DHX57: variants seen among roughly 807,000 people sequenced by gnomAD.
DHX57 encodes putative ATP-dependent RNA helicase DHX57.
DHX57 carries 105 observed loss-of-function variants against 156.2 expected under a neutral mutation model. The observed-to-expected ratio is 0.67, with a 90% CI of 0.57 to 0.79. DHX57 has a LOEUF of 0.79. Ranked by LOEUF, DHX57 falls within the 30% of genes least tolerant of loss-of-function variation. The pLI is 0.00. For missense variants in DHX57, 1,847 were observed against 1,661.9 expected, an observed-to-expected ratio of 1.11 and a Z score of -1.94; for synonymous variants, 704 against 595.6, an observed-to-expected ratio of 1.18 and a Z score of -2.65.
intron 20 of DHX57, among the ~76,000 whole-genome samples, chr2:38,814,583 A>G (rs1162739161): frequency 3.3e-5 from 5 of 152,244 alleles, no homozygotes; most frequent in African/African-American, 1.2e-4. Context: ...CTATAGTTAT[A>G]GAAAAAGCTG....
intron 11 of DHX57, among the ~76,000 whole-genome samples, chr2:38,844,862 G>C (rs1029149851): frequency 1.3e-5 from 2 of 152,140 alleles, no homozygotes; most frequent in African/African-American, 4.8e-5. Context: ...GGAAACTAAA[G>C]AAGGAAGGGA....
At chr2:38,869,517 T>G (rs1665256732) in intron 1 of DHX57, among the ~76,000 whole-genome samples, 1 of 152,234 alleles carries the variant, frequency 6.6e-6, no homozygotes, top group Non-Finnish European at 1.5e-5. Context: ...ATACTTTGGT[T>G]GGATTAGTTT....
chr2:38,801,788 G>A (rs1024289625), intron 23 of DHX57, among the ~76,000 whole-genome samples: 9 of 152,128 alleles, frequency 5.9e-5, no homozygotes, highest in African/African-American at 2.2e-4. Context: ...GTAGAGATGG[G>A]GTTTCACCAT....
At chr2:38,826,450 A>C in intron 15 of DHX57, 66 bp downstream of exon 15, 1 of 1,550,996 alleles carries the variant, frequency 6.4e-7, no homozygotes, top group Non-Finnish European at 8.8e-7. Context: ...ATTAGCCACT[A>C]ACAACGGTGT....
At chr2:38,803,538 A>G (rs1256019012) in intron 22 of DHX57, among the ~76,000 whole-genome samples, 2 of 150,740 alleles carry the variant, frequency 1.3e-5, no homozygotes, top group East Asian at 3.9e-4. Context: ...TCCAGGCTGG[A>G]GTGCAATGGT....
intron 7 of DHX57, 62 bp from the exon 8 acceptor site, chr2:38,855,314 C>T: frequency 1.3e-6 from 2 of 1,504,740 alleles, no homozygotes; most frequent in Non-Finnish European, 1.9e-6. Flanking sequence ...ACTAAAGAAG[C>T]AATCATATGG....
chr2:38,829,712 C>T (rs547696227), intron 13 of DHX57, among the ~76,000 whole-genome samples: 107 of 152,274 alleles, frequency 7.0e-4, no homozygotes, highest in Non-Finnish European at 1.3e-3. Context: ...CACCACCACA[C>T]CTGACCTTGA....
chr2:38,854,137 C>T lies in DHX57; in HGVS notation c.1947G>A (p.Leu649=), dbSNP rs1280133673. The change falls in exon 9 of 24, where the codon CTG becomes CTA. Residue 649 remains leucine, a synonymous_variant. Coordinates refer to ENST00000457308, the MANE Select transcript of DHX57 (RefSeq NM_198963.3). ...TRLLYCTTGV[L]LRRLEGDTAL... Reference sequence around the variant, plus strand: ...CTGTATCTCCTTCTAGCCTTCTCAGCAGCACTCCCGTGGTGCAGTATAACA... The same window carrying T: ...CTGTATCTCCTTCTAGCCTTCTCAGTAGCACTCCCGTGGTGCAGTATAACA... 6.2e-7 allele frequency: 1 copy of T among 1,613,976 alleles called. No homozygotes were observed. The highest frequency in any genetic ancestry group is 1.1e-5 in the South Asian group (1 of 91,072).
chr2:38,833,347 T>G (rs1355682806), intron 13 of DHX57, among the ~76,000 whole-genome samples: 1 of 152,098 alleles, frequency 6.6e-6, no homozygotes, highest in Non-Finnish European at 1.5e-5. Context: ...TTCTCCATGT[T>G]GGCCAGGCTG....
intron 21 of DHX57, among the ~76,000 whole-genome samples, chr2:38,812,759 C>T (rs1670317803): frequency 6.6e-6 from 1 of 152,060 alleles, no homozygotes; most frequent in South Asian, 2.1e-4. Context: ...CCTCGAACTC[C>T]TGACCTCAGG....
In DHX57 at chr2:38,826,723, G is replaced by T. The variant is rs745454171; in HGVS notation, c.2640-34C>A. On this transcript the variant is annotated intron_variant, in intron 14 of 23. Coordinates refer to ENST00000457308, the MANE Select transcript of DHX57 (RefSeq NM_198963.3). ...AAATAAAAGCACATGAAGTATTCTA[G>T]CACCTAGCACCGAAACTAGATTACA... 4 of 1,596,456 alleles carry T rather than the reference G, an allele frequency of 2.5e-6. No homozygotes were observed. In the African/African-American group the frequency reaches 5.4e-5, roughly 21 times the overall value.
At chr2:38,842,271 C>A (rs1558385779) in intron 12 of DHX57, among the ~76,000 whole-genome samples, 1 of 152,070 alleles carries the variant, frequency 6.6e-6, no homozygotes, top group Non-Finnish European at 1.5e-5. Flanking sequence ...CACTAAAAGA[C>A]AAAGGATGAG....
intron 21 of DHX57, among the ~76,000 whole-genome samples, chr2:38,812,879 G>C (rs537243508): frequency 1.1e-5 from 1 of 87,508 alleles, no homozygotes; most frequent in African/African-American, 3.7e-5. Flanking sequence ...ACAGAGTCTC[G>C]GTCTGTGGCC....
intron 13 of DHX57, among the ~76,000 whole-genome samples, chr2:38,836,474 G>T (rs1671662221): frequency 6.6e-6 from 1 of 152,090 alleles, no homozygotes; most frequent in African/African-American, 2.4e-5. Flanking sequence ...TTACTTTACT[G>T]TAAGAATACA....
intron 1 of DHX57, among the ~76,000 whole-genome samples, chr2:38,870,753 C>A (rs578088070): frequency 6.6e-6 from 1 of 152,224 alleles, no homozygotes; most frequent in Admixed American, 6.5e-5. Context: ...GTGGCACACA[C>A]CTGTAGTCCC....
intron 13 of DHX57, among the ~76,000 whole-genome samples, chr2:38,836,884 G>T (rs3099994): frequency 3.3e-5 from 5 of 151,600 alleles, no homozygotes; most frequent in Non-Finnish European, 7.4e-5. Flanking sequence ...ACAGGGTCTT[G>T]CTCTGTTGCC....
At chr2:38,810,116 A>T (rs1670164775) in intron 21 of DHX57, among the ~76,000 whole-genome samples, 1 of 151,312 alleles carries the variant, frequency 6.6e-6, no homozygotes, top group Non-Finnish European at 1.5e-5. Flanking sequence ...GCTGGTCTCA[A>T]ACTCCTGACC....
Position 38,798,422 on chromosome 2 carries a change from C to G in DHX57, c.4038G>C (p.Glu1346Asp). The G allele has an allele frequency of 1.2e-6, 2 of 1,612,600 alleles. No homozygotes were observed. Among genetic ancestry groups the G allele is most frequent in the Non-Finnish European group, 1.7e-6 (2 of 1,179,506 alleles). ...GAAGCTGATCAAGTTCGCAACGAAGCTCCTTTACCAGTTCAGCCACCTAAA... is the reference window on the plus strand; with the variant it reads ...GAAGCTGATCAAGTTCGCAACGAAGGTCCTTTACCAGTTCAGCCACCTAAA... Reference protein sequence around the residue: ...ASHQVAELVKELRCELDQLLQ... With the variant: ...ASHQVAELVKDLRCELDQLLQ... The change falls in exon 24 of 24, where the codon GAG (glutamate) becomes GAC (aspartate). Residue 1346 changes from glutamate (E) to aspartate (D), a missense_variant. Glu to Asp is a conservative substitution (Grantham distance 45). Coordinates refer to ENST00000457308, the MANE Select transcript of DHX57 (RefSeq NM_198963.3).
At chr2:38,856,287 G>T (rs1672889272) in intron 7 of DHX57, 53 bp downstream of exon 7, 3 of 1,573,874 alleles carry the variant, frequency 1.9e-6, no homozygotes, top group East Asian at 2.2e-5. Context: ...GGTAACCAGG[G>T]TGCATATAAT....
Sources: allele counts gnomAD v4.1 joint callset (sites outside exome capture counted in the v4.1 genomes callset), GRCh38; gene constraint gnomAD v4.1.1; transcripts MANE v1.5; gene names NCBI Gene and HGNC (gene_info 2026-07-23, HGNC 2026-07-21).